The following SLCO6A1 variants were observed in gnomAD, a reference collection of about 807,000 sequenced individuals.
SLCO6A1 encodes the protein cancer/testis antigen 48.
In SLCO6A1, 65 loss-of-function variants were observed where a neutral mutation model predicts 72.7. The observed-to-expected ratio is 0.89, with a 90% CI of 0.73 to 1.10. The LOEUF is 1.10. Ranked by LOEUF, SLCO6A1 falls within the 50% of genes least tolerant of loss-of-function variation. The pLI is 0.00. For missense variants in SLCO6A1, 874 were observed against 872.6 expected (o/e 1.00, Z -0.02); for synonymous variants, 314 against 298.2 (o/e 1.05, Z -0.55).
At chr5:102,412,707 G>T (rs1257730061) in intron 9 of SLCO6A1, among the ~76,000 whole-genome samples, 3 of 151,818 alleles carry the variant, frequency 2.0e-5, no homozygotes, top group Non-Finnish European at 4.4e-5. Flanking sequence ...GTTGCAGTGA[G>T]CTGGGATCTC....
chr5:102,453,086 A>T (rs982206563), intron 6 of SLCO6A1, among the ~76,000 whole-genome samples: 1 of 152,184 alleles, frequency 6.6e-6, no homozygotes, highest in African/African-American at 2.4e-5. Flanking sequence ...AACTTTGGTT[A>T]TGTAGTCCCC....
chr5:102,464,101 C>T (rs1580475041), intron 4 of SLCO6A1, among the ~76,000 whole-genome samples: 3 of 151,984 alleles, frequency 2.0e-5, no homozygotes, highest in African/African-American at 7.2e-5. Flanking sequence ...GTACACTTCT[C>T]AGGTGGTGGG....
intron 12 of SLCO6A1, among the ~76,000 whole-genome samples, chr5:102,374,004 TAATTAATTCTTTTTCAATTTTTTTA>T (rs538384607): frequency 0.023 from 3,503 of 152,012 alleles, 81 homozygotes; most frequent in African/African-American, 0.067. Flanking sequence ...ATGCAATATT[TAATTAATTCTTTTTCAATTTTTTTA>T]AATTAATTCT....
At chr5:102,439,932 A>G (rs1440553471) in intron 6 of SLCO6A1, among the ~76,000 whole-genome samples, 1 of 152,218 alleles carries the variant, frequency 6.6e-6, no homozygotes, top group Non-Finnish European at 1.5e-5. Flanking sequence ...TGTCATTTCC[A>G]CATAAAAAGG....
chr5:102,484,782 A>T (rs1181499189), intron 1 of SLCO6A1, among the ~76,000 whole-genome samples: 1 of 152,220 alleles, frequency 6.6e-6, no homozygotes, highest in Admixed American at 6.5e-5. Flanking sequence ...TAAAAATAAG[A>T]TTATTAATAA....
intron 10 of SLCO6A1, among the ~76,000 whole-genome samples, chr5:102,394,376 C>A (rs1395304855): frequency 2.0e-5 from 3 of 151,724 alleles, no homozygotes; most frequent in East Asian, 1.9e-4. Flanking sequence ...CTTTGGAAAG[C>A]AAAACAATGT....
At chr5:102,487,699 C>T (rs552932168) in intron 1 of SLCO6A1, among the ~76,000 whole-genome samples, 13 of 152,314 alleles carry the variant, frequency 8.5e-5, no homozygotes, top group Non-Finnish European at 1.8e-4. Flanking sequence ...TGCCCAACCA[C>T]TCAAAATTGG....
At chr5:102,440,141 AACAG>A (rs1188495334) in intron 6 of SLCO6A1, among the ~76,000 whole-genome samples, 1 of 152,178 alleles carries the variant, frequency 6.6e-6, no homozygotes, top group Non-Finnish European at 1.5e-5. Flanking sequence ...TATTCTAGCA[AACAG>A]ACAGTATCAA....
chr5:102,399,072 A>G (rs887009965), intron 10 of SLCO6A1, among the ~76,000 whole-genome samples: 1 of 152,144 alleles, frequency 6.6e-6, no homozygotes, highest in Non-Finnish European at 1.5e-5. Context: ...ATTTAGGAAG[A>G]ACGCATAAAT....
chr5:102,397,395 A>G (rs949261505), intron 10 of SLCO6A1, among the ~76,000 whole-genome samples: 2 of 152,158 alleles, frequency 1.3e-5, no homozygotes, highest in African/African-American at 2.4e-5. Flanking sequence ...TTCTATGTGT[A>G]GTAACACTTC....
rs145990987 is a variant in SLCO6A1, at chr5:102,427,924, A to G, written c.1277-7903T>C. 5.8e-3 allele frequency among the ~76,000 whole-genome samples: 777 copies of G among 133,782 alleles called. 4 individuals are homozygous for G. The highest frequency in any genetic ancestry group is 0.021 in the African/African-American group (746 of 35,960). 87.8% of individuals were successfully genotyped at this position (133,782 alleles called of 152,430 possible). A position where few individuals can be genotyped will look rare whatever the true frequency, so the allele number is the denominator to read the frequency against. ...TTGCTCTGTCACTAGGTTGGAGTGC[A>G]GTGGCATGGTATTGGCTCACTGTAA... On this transcript the variant is annotated intron_variant, in intron 7 of 13. Coordinates refer to ENST00000506729, the MANE Select transcript of SLCO6A1 (RefSeq NM_173488.5).
At chr5:102,403,664 T>C (rs1438261631) in intron 9 of SLCO6A1, among the ~76,000 whole-genome samples, 1 of 152,150 alleles carries the variant, frequency 6.6e-6, no homozygotes, top group Admixed American at 6.5e-5. Context: ...GGAGACATAT[T>C]TAACAGTACA....
chr5:102,433,429 A>AT lies in SLCO6A1; in HGVS notation c.1276+5187dup, dbSNP rs959435294. 2.0e-4 allele frequency among the ~76,000 whole-genome samples: 30 copies of AT among 150,662 alleles called. No homozygotes were observed. The East Asian group carries it at 3.1e-3, about 16-fold the overall frequency. On this transcript the variant is annotated intron_variant, in intron 7 of 13. Transcript: ENST00000506729. ...AATCCTTGAAGTTCCTGTCCTTTGG[A>AT]TTTTTTTTTCTTTTATCCTATTTGA...
intron 1 of SLCO6A1, among the ~76,000 whole-genome samples, chr5:102,483,467 T>A (rs1752307135): frequency 1.3e-5 from 2 of 152,318 alleles, no homozygotes; most frequent in East Asian, 1.9e-4. Context: ...GCACACACTT[T>A]TCCTTCATTT....
At chr5:102,469,697 T>G (rs1337461951) in intron 4 of SLCO6A1, among the ~76,000 whole-genome samples, 2 of 152,166 alleles carry the variant, frequency 1.3e-5, no homozygotes, top group African/African-American at 4.8e-5. Context: ...AATACTATGT[T>G]GAATAGGAGT....
rs563311261 is a variant in SLCO6A1 at position 102,489,081 on chromosome 5, T to C, written c.359-8647A>G. ...GTATGCCCCACTGCTATTTCTCCCC[T>C]TTATTTTCTTTAAAAAGTCATCAAG... On this transcript the variant is annotated intron_variant, in intron 1 of 13. Coordinates refer to ENST00000506729, the MANE Select transcript of SLCO6A1 (RefSeq NM_173488.5). 7.9e-5 allele frequency among the ~76,000 whole-genome samples: 12 copies of C among 152,310 alleles called. No homozygotes were observed. The East Asian group carries it at 2.3e-3, about 29-fold the overall frequency.
At chr5:102,385,276 G>A (rs1199634896) in intron 12 of SLCO6A1, among the ~76,000 whole-genome samples, 2 of 152,100 alleles carry the variant, frequency 1.3e-5, no homozygotes, top group Admixed American at 1.3e-4. Flanking sequence ...AGTGTTTTCA[G>A]TGAAGACTTC....
intron 9 of SLCO6A1, among the ~76,000 whole-genome samples, chr5:102,404,030 A>T (rs1017245541): frequency 6.6e-6 from 1 of 152,220 alleles, no homozygotes; most frequent in Non-Finnish European, 1.5e-5. Context: ...CACCATTTAC[A>T]TAAACTCATT....
At chr5:102,437,255 C>A (rs2112675029) in intron 7 of SLCO6A1, among the ~76,000 whole-genome samples, 1 of 152,276 alleles carries the variant, frequency 6.6e-6, no homozygotes, top group Admixed American at 6.5e-5. Flanking sequence ...AAAATTACCC[C>A]AAATTTCATT....
Sources: allele counts gnomAD v4.1 joint callset (sites outside exome capture counted in the v4.1 genomes callset), GRCh38; gene constraint gnomAD v4.1.1; transcripts MANE v1.5; gene names NCBI Gene and HGNC (gene_info 2026-07-23, HGNC 2026-07-21).